Variants in CDS2 observed in about 807,000 individuals in gnomAD.
CDS2 encodes the protein phosphatidate cytidylyltransferase 2.
Under a neutral mutation model 59.0 loss-of-function variants are expected in CDS2, and 47 were observed. That is an observed-to-expected ratio of 0.80 (90% confidence interval 0.63 to 1.02). The LOEUF (loss-of-function observed/expected upper bound fraction) is 1.02, where lower values mean the gene tolerates loss of function less well. CDS2 is among the 50% of genes least tolerant of loss of function. The pLI is 0.00. For missense variants in CDS2, 356 were observed against 558.9 expected (o/e 0.64, Z 3.66); for synonymous variants, 207 against 206.4 (o/e 1.00, Z -0.02).
At chr20:5,157,925 G>A (rs2090846086) in intron 1 of CDS2, among the ~76,000 whole-genome samples, 1 of 152,296 alleles carries the variant, frequency 6.6e-6, no homozygotes, top group Middle Eastern at 3.4e-3. Flanking sequence ...TCTTTCTGAA[G>A]GAGCTTGTTA....
chr20:5,161,419 G>A (rs1231843076), intron 1 of CDS2, among the ~76,000 whole-genome samples: 2 of 152,164 alleles, frequency 1.3e-5, no homozygotes, highest in Non-Finnish European at 2.9e-5. Context: ...ATTGCAGAAA[G>A]TTCTATACTG....
At chr20:5,148,694 A>C (rs1221245315) in intron 1 of CDS2, among the ~76,000 whole-genome samples, 2 of 152,120 alleles carry the variant, frequency 1.3e-5, no homozygotes, top group Non-Finnish European at 2.9e-5. Context: ...TTTGAGTAGA[A>C]TCTCCCCCTA....
chr20:5,134,387 A>G (rs1490709067), intron 1 of CDS2, among the ~76,000 whole-genome samples: 1 of 152,160 alleles, frequency 6.6e-6, no homozygotes, highest in Admixed American at 6.5e-5. Flanking sequence ...GGCTGGTGTT[A>G]TCAGTGTTCA....
chr20:5,132,559 GAACTAT>G (rs1433939324), intron 1 of CDS2, among the ~76,000 whole-genome samples: 1 of 151,992 alleles, frequency 6.6e-6, no homozygotes, highest in African/African-American at 2.4e-5. Context: ...AAATATTAAA[GAACTAT>G]AACTACTTCA....
chr20:5,154,087 A>T (rs534651641), intron 1 of CDS2, among the ~76,000 whole-genome samples: 5 of 152,060 alleles, frequency 3.3e-5, no homozygotes, highest in Non-Finnish European at 7.4e-5. Flanking sequence ...TTCCCACCTC[A>T]TGTCTCCCTT....
At chr20:5,157,098 A>G (rs1033571363) in intron 1 of CDS2, among the ~76,000 whole-genome samples, 5 of 152,160 alleles carry the variant, frequency 3.3e-5, no homozygotes, top group African/African-American at 4.8e-5. Flanking sequence ...GGCACCAGGG[A>G]TCTGGGTGGG....
In CDS2 at chr20:5,133,848, T is replaced by C. The variant is rs1381866021; in HGVS notation, c.57+6699T>C. 5.9e-5 allele frequency among the ~76,000 whole-genome samples: 9 copies of C among 152,144 alleles called. No homozygotes were observed. In the South Asian group the frequency reaches 1.2e-3, roughly 21 times the overall value. On this transcript the variant is annotated intron_variant, in intron 1 of 12. Coordinates refer to ENST00000460006, the MANE Select transcript of CDS2 (RefSeq NM_003818.4). ...CCTATGAAGGTCTTCTAATTCCCGG[T>C]TGTTGTTTTTTATTTTTTTCTCATA...
intron 1 of CDS2, among the ~76,000 whole-genome samples, chr20:5,133,715 G>T (rs1013793662): frequency 6.6e-6 from 1 of 152,090 alleles, no homozygotes; most frequent in Middle Eastern, 3.2e-3. Flanking sequence ...AGTAGAGATG[G>T]GGTTTCTCCA....
intron 2 of CDS2, among the ~76,000 whole-genome samples, chr20:5,174,068 CTCTCACA>C (rs1203763244): frequency 1.3e-5 from 2 of 152,212 alleles, no homozygotes; most frequent in Non-Finnish European, 2.9e-5. Flanking sequence ...AGTTTAGTTT[CTCTCACA>C]TCCTTTGTGA....
At chr20:5,185,988 C>T (rs895131497) in intron 9 of CDS2, among the ~76,000 whole-genome samples, 162 bp downstream of exon 9, 1 of 152,264 alleles carries the variant, frequency 6.6e-6, no homozygotes, top group African/African-American at 2.4e-5. Flanking sequence ...CAGCCATCCA[C>T]CAGCTTTCAG....
intron 1 of CDS2, among the ~76,000 whole-genome samples, chr20:5,133,962 A>G (rs1470391692): frequency 2.0e-5 from 3 of 152,230 alleles, no homozygotes; most frequent in African/African-American, 7.2e-5. Context: ...TTATTTGGCT[A>G]CAAAATCAAA....
chr20:5,186,886 A>G lies in CDS2; in HGVS notation c.981+47A>G, dbSNP rs764488761. On this transcript the variant is annotated intron_variant, in intron 10 of 12. Coordinates refer to ENST00000460006, the MANE Select transcript of CDS2 (RefSeq NM_003818.4). ...TGAGCGGCCTCCATGGACAGTGGCT[A>G]CAAAGAGAGATCCCCCTCCATCACC... is the stretch of plus-strand genomic sequence containing the variant. 63 of 1,600,648 alleles carry G rather than the reference A, an allele frequency of 3.9e-5. 1 individual carries two copies. In the Admixed American group the frequency reaches 9.0e-4, roughly 23 times the overall value.
At chr20:5,131,673 T>G (rs1289092601) in intron 1 of CDS2, among the ~76,000 whole-genome samples, 1 of 152,240 alleles carries the variant, frequency 6.6e-6, no homozygotes, top group African/African-American at 2.4e-5. Flanking sequence ...AAGGGGAGTT[T>G]AAATCTTAAC....
intron 9 of CDS2, 102 bp downstream of exon 9, chr20:5,185,928 A>G: frequency 8.8e-7 from 1 of 1,130,950 alleles, no homozygotes; most frequent in Non-Finnish European, 1.3e-6. Context: ...GGAGGCCAGG[A>G]CTGTCCTGCT....
chr20:5,163,560 C>T (rs574226890), intron 1 of CDS2, among the ~76,000 whole-genome samples: 1 of 152,198 alleles, frequency 6.6e-6, no homozygotes, highest in South Asian at 2.1e-4. Flanking sequence ...TGCGCCTGGC[C>T]AGTAGTTTCT....
intron 1 of CDS2, among the ~76,000 whole-genome samples, chr20:5,165,442 T>C (rs567754130): frequency 6.6e-6 from 1 of 152,226 alleles, no homozygotes; most frequent in African/African-American, 2.4e-5. Context: ...TGGTTCTAGG[T>C]GCCAGGCCAG....
intron 1 of CDS2, among the ~76,000 whole-genome samples, chr20:5,141,439 T>C (rs1371225898): frequency 6.6e-6 from 1 of 151,922 alleles, no homozygotes; most frequent in East Asian, 1.9e-4. Context: ...TACAGGAAGG[T>C]GAACACATGC....
chr20:5,175,377 C>A (rs572184428), intron 3 of CDS2, 98 bp downstream of exon 3: 1 of 935,722 alleles, frequency 1.1e-6, no homozygotes, highest in Non-Finnish European at 1.7e-6. Flanking sequence ...TGGGAATTGA[C>A]GGGGGTCCAG....
intron 1 of CDS2, among the ~76,000 whole-genome samples, chr20:5,150,334 A>G (rs770476314): frequency 5.3e-5 from 8 of 152,206 alleles, no homozygotes; most frequent in Non-Finnish European, 1.0e-4. Context: ...CAGACCTGCA[A>G]TTCAGTAACT....
Sources: gnomAD v4.1 joint callset for allele counts (sites outside exome capture counted in the v4.1 genomes callset) on GRCh38, gnomAD v4.1.1 for gene constraint, MANE v1.5 for transcripts, NCBI Gene and HGNC (gene_info 2026-07-23, HGNC 2026-07-21) for gene names.